The following TLE1 variants were observed in gnomAD, a reference collection of about 807,000 sequenced individuals.
TLE1 encodes the protein transducin-like enhancer protein 1.
TLE1 carries 21 observed loss-of-function variants against 89.8 expected under a neutral mutation model. The ratio of observed to expected loss-of-function variants is 0.23; its 90% confidence interval spans 0.17 to 0.34. The LOEUF is 0.34. Among genes scored for constraint, TLE1 ranks in the 10% least tolerant of loss-of-function variants. TLE1 has a pLI of 1.00. For missense variants in TLE1, 795 were observed against 1,031.2 expected (o/e 0.77, Z 3.14); for synonymous variants, 447 against 407.6 (o/e 1.10, Z -1.16).
intron 1 of TLE1, 134 bp from the exon 2 acceptor site, chr9:81,687,568 G>A (rs1461899981): frequency 4.6e-6 from 3 of 657,720 alleles, no homozygotes; most frequent in Non-Finnish European, 7.9e-6. Flanking sequence ...CCCCAAACTC[G>A]AGTTTGCCCT....
intron 14 of TLE1, among the ~76,000 whole-genome samples, chr9:81,596,347 G>A (rs935339745): frequency 2.6e-5 from 4 of 152,196 alleles, no homozygotes; most frequent in African/African-American, 7.2e-5. Flanking sequence ...CTCGCAGGAA[G>A]CTGGTGCTGC....
chr9:81,609,797 G>C (rs1199771544), intron 14 of TLE1, among the ~76,000 whole-genome samples: 2 of 152,176 alleles, frequency 1.3e-5, no homozygotes, highest in African/African-American at 2.4e-5. Flanking sequence ...TGAGTAAAGA[G>C]ATGACACATT....
chr9:81,652,102 A>AC (rs1829619625), intron 6 of TLE1, 112 bp downstream of exon 6: 3 of 669,982 alleles, frequency 4.5e-6, no homozygotes, highest in Admixed American at 3.6e-5. Context: ...GGTCAACGTT[A>AC]AGATACACAC....
intron 4 of TLE1, among the ~76,000 whole-genome samples, chr9:81,678,520 T>C (rs1447375374): frequency 6.6e-6 from 1 of 152,142 alleles, no homozygotes; most frequent in Non-Finnish European, 1.5e-5. Context: ...TAGTAATTAT[T>C]AAAAATTTAG....
At chr9:81,643,248 T>G (rs1828389966) in intron 6 of TLE1, among the ~76,000 whole-genome samples, 1 of 152,096 alleles carries the variant, frequency 6.6e-6, no homozygotes, top group Admixed American at 6.6e-5. Flanking sequence ...TTTTTGGTTT[T>G]TTTTTTTGAC....
At chr9:81,681,420 G>C (rs1034686480) in intron 4 of TLE1, among the ~76,000 whole-genome samples, 1 of 151,870 alleles carries the variant, frequency 6.6e-6, no homozygotes, top group Non-Finnish European at 1.5e-5. Flanking sequence ...CATGGTGGTG[G>C]ACTCCTGTAA....
intron 6 of TLE1, among the ~76,000 whole-genome samples, chr9:81,648,333 A>G (rs1829125475): frequency 6.6e-6 from 1 of 152,074 alleles, no homozygotes; most frequent in African/African-American, 2.4e-5. Context: ...AAAGAAAGAA[A>G]AAAAAAAGCA....
intron 4 of TLE1, among the ~76,000 whole-genome samples, chr9:81,673,051 T>C (rs934120557): frequency 1.3e-5 from 2 of 152,022 alleles, no homozygotes; most frequent in Non-Finnish European, 2.9e-5. Flanking sequence ...GGGAGGCAGA[T>C]TACTTGAGGT....
chr9:81,638,555 T>C (rs778880629), intron 6 of TLE1, among the ~76,000 whole-genome samples: 2 of 152,152 alleles, frequency 1.3e-5, no homozygotes, highest in Non-Finnish European at 2.9e-5. Context: ...TTGAATATAT[T>C]TTAGGAAAAA....
chr9:81,653,503 A>G (rs934521011), intron 5 of TLE1, among the ~76,000 whole-genome samples: 3 of 152,220 alleles, frequency 2.0e-5, no homozygotes, highest in Non-Finnish European at 4.4e-5. Context: ...TGACTCATTA[A>G]GTTAATGTAT....
chr9:81,670,557 C>T (rs1832084061), intron 4 of TLE1, among the ~76,000 whole-genome samples: 1 of 151,894 alleles, frequency 6.6e-6, no homozygotes, highest in South Asian at 2.1e-4. Flanking sequence ...AACTCCTGAC[C>T]CTCCTGACAC....
intron 4 of TLE1, among the ~76,000 whole-genome samples, chr9:81,674,798 A>G (rs535723897): frequency 1.3e-5 from 2 of 152,266 alleles, no homozygotes; most frequent in East Asian, 3.9e-4. Context: ...AACCACGCCA[A>G]AAGTACAAAG....
At position 81,638,265 on chromosome 9, in the gene TLE1, C is replaced by T. The variant is rs576410533; in HGVS notation, c.373-3964G>A. On this transcript the variant is annotated intron_variant, in intron 6 of 19. Transcript: ENST00000376499. The stretch of plus-strand genomic sequence containing the variant: ...ACTATCCCTTGCCCCCAGCTCTCTT[C>T]CAAAGAAGCACGTCAAGAAGAATCA... Among the ~76,000 whole-genome samples the T allele has an allele frequency of 1.1e-3, 168 of 152,316 alleles. 1 individual carries two copies. The highest frequency in any genetic ancestry group is 3.4e-3 in the Middle Eastern group (1 of 292).
Position 81,688,530 on chromosome 9 carries a change from C to G in TLE1, c.-290G>C. The G allele has an allele frequency of 2.9e-6, 1 of 339,968 alleles. No individual in the cohort carries two copies. The allele number at this position is 339,968 out of a possible 1,614,324, so 21.1% of individuals were successfully genotyped here. A position where few individuals can be genotyped will look rare whatever the true frequency, so the allele number is the denominator to read the frequency against. ...ACGTCGGGCGCTCGGGGACTGTGCG[C>G]GGGGGCAGCGCTCCAACCCCCGGCC... On this transcript the variant is annotated 5_prime_UTR_variant, in exon 1 of 20. Transcript: ENST00000376499.
rs1428943520 is a variant in TLE1, at chr9:81,675,789, C to G, written c.234+9887G>C. Among the ~76,000 whole-genome samples the G allele has an allele frequency of 2.0e-5, 3 of 149,648 alleles. No individual in the cohort carries two copies. In the Admixed American group the frequency reaches 2.0e-4, roughly 10 times the overall value. Reference sequence around the variant, plus strand: ...GATCTCAGCTCACCACAACCTCCAACCCCCTGGTTCAAGTGATTTTCCTGC... The same window carrying G: ...GATCTCAGCTCACCACAACCTCCAAGCCCCTGGTTCAAGTGATTTTCCTGC... On this transcript the variant is annotated intron_variant, in intron 4 of 19. Coordinates refer to ENST00000376499, the MANE Select transcript of TLE1 (RefSeq NM_005077.5).
chr9:81,667,165 C>A (rs1831572442), intron 4 of TLE1, among the ~76,000 whole-genome samples: 2 of 151,886 alleles, frequency 1.3e-5, no homozygotes, highest in South Asian at 2.1e-4. Flanking sequence ...ACAATTCCAG[C>A]ATTTCGGGAG....
At chr9:81,637,002 CAA>C (rs370837419) in intron 6 of TLE1, among the ~76,000 whole-genome samples, 17 of 78,780 alleles carry the variant, frequency 2.2e-4, no homozygotes, top group Admixed American at 3.0e-4. Context: ...GACTCCGTCT[CAA>C]AAAAAAAAAA....
At chr9:81,633,719 T>A in intron 7 of TLE1, 1 of 479,410 alleles carries the variant, frequency 2.1e-6, no homozygotes, top group Non-Finnish European at 3.7e-6. Flanking sequence ...TTATCAAACC[T>A]TTCATTTGAA....
At chr9:81,623,576 C>T (rs1351595882) in intron 8 of TLE1, among the ~76,000 whole-genome samples, 3 of 140,100 alleles carry the variant, frequency 2.1e-5, no homozygotes, top group Middle Eastern at 4.0e-3. Flanking sequence ...AAAAGGAGTT[C>T]GAGACCAGCC....
Sources: gnomAD v4.1 joint callset for allele counts (sites outside exome capture counted in the v4.1 genomes callset) on GRCh38, gnomAD v4.1.1 for gene constraint, MANE v1.5 for transcripts, NCBI Gene and HGNC (gene_info 2026-07-23, HGNC 2026-07-21) for gene names.